SCAF8: variants seen among roughly 807,000 people sequenced by gnomAD.
SCAF8 encodes the protein SR-related CTD associated factor 8, also known as SR-related and CTD-associated factor 8.
A neutral mutation model predicts 140.5 loss-of-function variants in SCAF8; 23 were observed. The ratio of observed to expected loss-of-function variants is 0.16; its 90% CI spans 0.12 to 0.23. The LOEUF is 0.23. Ranked by LOEUF, SCAF8 falls within the 10% of genes least tolerant of loss-of-function variation. The pLI is 1.00. For synonymous variants in SCAF8, 575 were observed against 528.9 expected (o/e 1.09, Z -1.20); for missense variants, 1,397 against 1,555.7 (o/e 0.90, Z 1.72).
At position 154,805,479 on chromosome 6, in the gene SCAF8, C is replaced by A; in HGVS notation, c.974C>A (p.Pro325His). The change falls in exon 9 of 20, where the codon CCT becomes CAT. Residue 325 changes from proline to histidine, a missense_variant. This residue lies in a region of SCAF8 where 339 missense variants were observed against 407.5 expected (regional missense o/e 0.83). Coordinates refer to ENST00000367178, the MANE Select transcript of SCAF8 (RefSeq NM_014892.5). Reference sequence around the variant, plus strand: ...CAGCAGCTCTTGGAGCAGCAACAGCCTCAAAAGGTTTATAACCCCATCTTG... The same window carrying A: ...CAGCAGCTCTTGGAGCAGCAACAGCATCAAAAGGTTTATAACCCCATCTTG... ...LRQQLLEQQQ[P>H]QKATPQDSQE... is the part of the protein sequence containing the mutation. 6.3e-7 allele frequency: 1 copy of A among 1,591,434 alleles called. No individual in the cohort carries two copies. The highest frequency in any genetic ancestry group is 8.6e-7 in the Non-Finnish European group (1 of 1,161,698).
intron 6 of SCAF8, among the ~76,000 whole-genome samples, chr6:154,798,481 A>G (rs1204599531): frequency 6.6e-6 from 1 of 151,350 alleles, no homozygotes; most frequent in Non-Finnish European, 1.5e-5. Flanking sequence ...CTCATACCCA[A>G]AAGCTTAAGA....
rs1778708382 is a variant in SCAF8, at chr6:154,830,824, A to G, written c.2141-98A>G. On this transcript the variant is annotated intron_variant, in intron 18 of 19. Coordinates refer to ENST00000367178, the MANE Select transcript of SCAF8 (RefSeq NM_014892.5). The stretch of plus-strand genomic sequence containing the variant: ...GTTATTATATAATGTGCTTAGTAAT[A>G]CAGAGATGCCATTAAATTAAATACT... 4.9e-6 allele frequency: 4 copies of G among 816,040 alleles called. No homozygotes were observed. The South Asian group carries it at 6.5e-5, about 13-fold the overall frequency. The allele number at this position is 816,040 out of a possible 1,614,324, so 50.5% of individuals were successfully genotyped here.
chr6:154,790,871 A>G (rs934742032), intron 4 of SCAF8, among the ~76,000 whole-genome samples: 2 of 152,066 alleles, frequency 1.3e-5, no homozygotes, highest in African/African-American at 2.4e-5. Context: ...AAGTGGCATC[A>G]CGATAGTAGT....
chr6:154,740,862 G>C (rs1262936929), intron 1 of SCAF8, among the ~76,000 whole-genome samples: 4 of 150,960 alleles, frequency 2.6e-5, no homozygotes, highest in African/African-American at 9.8e-5. Context: ...CAAGAGACCT[G>C]CCCACCTTGA....
At chr6:154,743,736 A>G (rs1296191411) in intron 1 of SCAF8, among the ~76,000 whole-genome samples, 5 of 152,216 alleles carry the variant, frequency 3.3e-5, no homozygotes, top group African/African-American at 1.2e-4. Context: ...TTTTGATACC[A>G]TAAAGTTTTA....
At chr6:154,790,660 A>T (rs531965201) in intron 4 of SCAF8, among the ~76,000 whole-genome samples, 1 of 151,254 alleles carries the variant, frequency 6.6e-6, no homozygotes, top group African/African-American at 2.4e-5. Flanking sequence ...ACAGGCGCCC[A>T]CCACCACGCC....
At position 154,810,156 on chromosome 6, in the gene SCAF8, G is replaced by C; in HGVS notation, c.1368G>C (p.Glu456Asp). Reference protein sequence around the residue: ...YSSERRAREREKERQKKGLPP... With the variant: ...YSSERRARERDKERQKKGLPP... ...GTGAAAGGAGAGCCAGAGAAAGGGA[G>C]AAAGAACGACAGAAAAAGGGATTAC... Residue 456 changes from glutamate (E) to aspartate (D), a missense_variant, in exon 12 of 20, where the codon GAG becomes GAC. By Grantham distance (45) the Glu-to-Asp change is conservative. Around this residue, in one of 5 missense-constraint regions of SCAF8, gnomAD observed 339 missense variants for 407.5 expected, o/e 0.83. Coordinates refer to ENST00000367178, the MANE Select transcript of SCAF8 (RefSeq NM_014892.5). 1 of 1,613,386 alleles carries C rather than the reference G, an allele frequency of 6.2e-7. No individual in the cohort carries two copies. The highest frequency in any genetic ancestry group is 2.2e-5 in the East Asian group (1 of 44,860).
At chr6:154,739,053 A>G (rs1162904508) in intron 1 of SCAF8, among the ~76,000 whole-genome samples, 1 of 152,190 alleles carries the variant, frequency 6.6e-6, no homozygotes, top group Non-Finnish European at 1.5e-5. Flanking sequence ...GGACAGGATC[A>G]TAGCTTACTG....
chr6:154,780,172 C>T (rs965424325), intron 3 of SCAF8, among the ~76,000 whole-genome samples: 4 of 152,132 alleles, frequency 2.6e-5, no homozygotes, highest in African/African-American at 7.2e-5. Flanking sequence ...TCACCTCCTC[C>T]TCCCCATCCC....
intron 2 of SCAF8, 112 bp from the exon 3 acceptor site, chr6:154,777,883 CTTGGTT>C (rs2114852187): frequency 1.5e-6 from 1 of 656,248 alleles, no homozygotes; most frequent in East Asian, 2.9e-5. Flanking sequence ...TCTCAAAATT[CTTGGTT>C]AAGATAATTG....
Position 154,831,703 on chromosome 6 carries a change from T to TAAAAAAAA in SCAF8, c.2360-204_2360-197dup, listed in dbSNP as rs58013583. The stretch of plus-strand genomic sequence containing the variant: ...CCTTTTAAACCTCCACTCCTGTTCT[T>TAAAAAAAA]AAAAAAAAAAAAAAAAAAAAAAAAA... On this transcript the variant is annotated intron_variant, in intron 19 of 19. Coordinates refer to ENST00000367178, the MANE Select transcript of SCAF8 (RefSeq NM_014892.5). Among the ~76,000 whole-genome samples, 79 of 48,098 alleles carry TAAAAAAAA rather than the reference T, an allele frequency of 1.6e-3. 6 individuals carry two copies. The highest frequency in any genetic ancestry group is 4.9e-3 in the African/African-American group (69 of 14,222). 31.6% of individuals were successfully genotyped at this position (48,098 alleles called of 152,430 possible).
At chr6:154,767,863 T>C (rs749276276) in intron 1 of SCAF8, among the ~76,000 whole-genome samples, 1 of 152,132 alleles carries the variant, frequency 6.6e-6, no homozygotes, top group Non-Finnish European at 1.5e-5. Flanking sequence ...TGACATTTTT[T>C]AAGCCATACT....
intron 4 of SCAF8, among the ~76,000 whole-genome samples, chr6:154,789,636 C>G (rs565114164): frequency 6.6e-6 from 1 of 150,726 alleles, no homozygotes; most frequent in Non-Finnish European, 1.5e-5. Flanking sequence ...AACTCTGCCT[C>G]CCAGGTTCAC....
At chr6:154,796,999 A>G (rs116621817) in intron 6 of SCAF8, among the ~76,000 whole-genome samples, 218 of 151,806 alleles carry the variant, frequency 1.4e-3, no homozygotes, top group African/African-American at 5.0e-3. Context: ...AAAAAGAACC[A>G]CAAACTCCTC....
intron 18 of SCAF8, 59 bp from the exon 19 acceptor site, chr6:154,830,863 A>C: frequency 1.5e-6 from 2 of 1,311,900 alleles, no homozygotes; most frequent in Non-Finnish European, 2.2e-6. Flanking sequence ...ACTGCCAGAA[A>C]ACTTAGCACA....
At chr6:154,789,674 T>A (rs1777357816) in intron 4 of SCAF8, among the ~76,000 whole-genome samples, 1 of 151,688 alleles carries the variant, frequency 6.6e-6, no homozygotes, top group Admixed American at 6.6e-5. Flanking sequence ...GCCTCCTGAG[T>A]AGCTGGGACT....
chr6:154,734,535 C>T (rs1197513151), intron 1 of SCAF8, among the ~76,000 whole-genome samples: 2 of 152,138 alleles, frequency 1.3e-5, no homozygotes, highest in Admixed American at 6.5e-5. Context: ...TTTACTCGCT[C>T]CTCTTCTAAT....
At chr6:154,764,798 C>G (rs940815453) in intron 1 of SCAF8, among the ~76,000 whole-genome samples, 2 of 152,116 alleles carry the variant, frequency 1.3e-5, no homozygotes, top group African/African-American at 4.8e-5. Flanking sequence ...AGCTTTCATT[C>G]TTTTTCAGCG....
chr6:154,831,805 G>A, intron 19 of SCAF8, 134 bp from the exon 20 acceptor site: 1 of 507,376 alleles, frequency 2.0e-6, no homozygotes, highest in Admixed American at 4.0e-5. Flanking sequence ...TGACATTTCT[G>A]TTTAACTTAA....
Sources: allele counts gnomAD v4.1 joint callset (sites outside exome capture counted in the v4.1 genomes callset), GRCh38; gene constraint gnomAD v4.1.1; regional missense constraint gnomAD v4.1.1; transcripts MANE v1.5; gene names NCBI Gene and HGNC (gene_info 2026-07-23, HGNC 2026-07-21).